CIP2A: variants seen among roughly 807,000 people sequenced by gnomAD.
CIP2A encodes the protein protein CIP2A.
A neutral mutation model predicts 110.9 loss-of-function variants in CIP2A; 103 were observed. That is an observed-to-expected ratio of 0.93 (90% CI 0.79 to 1.09). The LOEUF (loss-of-function observed/expected upper bound fraction) is 1.09. CIP2A is among the 50% of genes least tolerant of loss of function. CIP2A has a pLI of 0.00. For missense variants in CIP2A, 1,088 were observed against 1,038.4 expected, an observed-to-expected ratio of 1.05 and a Z score of -0.66; for synonymous variants, 381 against 361.6, an observed-to-expected ratio of 1.05 and a Z score of -0.61.
At chr3:108,571,509 C>T (rs995420615) in intron 8 of CIP2A, among the ~76,000 whole-genome samples, 1 of 152,132 alleles carries the variant, frequency 6.6e-6, no homozygotes. Flanking sequence ...AAAAGACAAA[C>T]CCTGTAGGCA....
chr3:108,557,291 G>A lies in CIP2A; in HGVS notation c.2137C>T (p.His713Tyr). 4 of 1,610,772 alleles carry A rather than the reference G, an allele frequency of 2.5e-6. No homozygotes were observed. Among genetic ancestry groups the A allele is most frequent in the Non-Finnish European group, 3.4e-6 (4 of 1,177,726 alleles). ...GCCACAGACTCTAACTTCCTATTAT[G>A]TTGAAAGAGATGCTCAATATCACTC... is the stretch of plus-strand genomic sequence containing the variant. Reference protein sequence around the residue: ...AQSDIEHLFQHNRKLESVAEE... With the variant: ...AQSDIEHLFQYNRKLESVAEE... The change falls in exon 17 of 21, where the codon CAT (histidine) becomes TAT (tyrosine). Residue 713 changes from histidine to tyrosine, a missense_variant. Physicochemically the swap from His to Tyr is moderately conservative, Grantham distance 83 (BLOSUM62 2). Transcript: ENST00000295746.
At chr3:108,559,000 A>G (rs1408166013) in intron 16 of CIP2A, among the ~76,000 whole-genome samples, 1 of 152,114 alleles carries the variant, frequency 6.6e-6, no homozygotes, top group Admixed American at 6.6e-5. Context: ...TGCCTTAGAG[A>G]TCCTTGGGGG....
intron 16 of CIP2A, among the ~76,000 whole-genome samples, chr3:108,559,022 G>A (rs1316156967): frequency 2.0e-5 from 3 of 152,138 alleles, no homozygotes; most frequent in African/African-American, 7.2e-5. Flanking sequence ...GCGGCTAGGT[G>A]AAGGGGGTAG....
At chr3:108,583,591 T>C (rs916708226) in intron 2 of CIP2A, among the ~76,000 whole-genome samples, 7 of 151,912 alleles carry the variant, frequency 4.6e-5, no homozygotes, top group African/African-American at 1.7e-4. Flanking sequence ...GGGAAGAATA[T>C]GGGTGAGTGT....
chr3:108,589,389 G>A lies in CIP2A; in HGVS notation c.-14C>T, dbSNP rs760443374. ...AGTGGAGTCCATTGCACCGGCCGCG[G>A]CCCGGCTTAGGGACCACCACCGCCC... On this transcript the variant is annotated 5_prime_UTR_variant, in exon 1 of 21. Transcript: ENST00000295746. 1.3e-6 allele frequency: 2 copies of A among 1,598,456 alleles called. No homozygotes were observed. Among genetic ancestry groups the A allele is most frequent in the African/African-American group, 1.3e-5 (1 of 74,590 alleles).
intron 2 of CIP2A, 130 bp from the exon 3 acceptor site, chr3:108,583,213 TATG>T (rs771588740): frequency 3.8e-4 from 170 of 448,156 alleles, no homozygotes; most frequent in Non-Finnish European, 3.2e-4. Flanking sequence ...TTATTTTCTT[TATG>T]ATAACCCTCC....
chr3:108,560,672 C>CT lies in CIP2A; in HGVS notation c.1803dup (p.Glu602ArgfsTer15). 1 of 1,607,910 alleles carries CT rather than the reference C, an allele frequency of 6.2e-7. No homozygotes were observed. The highest frequency in any genetic ancestry group is 1.1e-5 in the South Asian group (1 of 89,950). Reference sequence around the variant, plus strand: ...ACCACCATTCCAGACTGAAGTTTCTCTATTAATTCTTCAATATTCAATCCA... The same window carrying CT: ...ACCACCATTCCAGACTGAAGTTTCTCTTATTAATTCTTCAATATTCAATCCA... On this transcript the variant is annotated frameshift_variant, in exon 14 of 21. Transcript: ENST00000295746. LOFTEE classifies it high-confidence loss of function.
chr3:108,568,796 A>T (rs1018739631), intron 9 of CIP2A, among the ~76,000 whole-genome samples: 2 of 152,036 alleles, frequency 1.3e-5, no homozygotes, highest in African/African-American at 4.8e-5. Context: ...AACATATTTA[A>T]TCACTTCATA....
intron 8 of CIP2A, 87 bp downstream of exon 8, chr3:108,576,184 G>A: frequency 1.4e-6 from 1 of 723,948 alleles, no homozygotes; most frequent in Non-Finnish European, 2.3e-6. Flanking sequence ...CTGTGCATTT[G>A]GATTTTTCTG....
intron 8 of CIP2A, among the ~76,000 whole-genome samples, chr3:108,575,909 TACATATAC>T (rs1488480363): frequency 3.9e-4 from 56 of 142,116 alleles, no homozygotes; most frequent in African/African-American, 1.6e-3. Flanking sequence ...TATACATATA[TACATATAC>T]GTATATATAC....
intron 9 of CIP2A, among the ~76,000 whole-genome samples, chr3:108,568,587 T>A (rs1264736265): frequency 6.6e-6 from 1 of 151,988 alleles, no homozygotes; most frequent in Non-Finnish European, 1.5e-5. Flanking sequence ...TATTCTAAAC[T>A]AAAAGTATCT....
intron 13 of CIP2A, among the ~76,000 whole-genome samples, chr3:108,562,774 C>T (rs1307490989): frequency 6.6e-6 from 1 of 151,962 alleles, no homozygotes; most frequent in Non-Finnish European, 1.5e-5. Context: ...AATGCTTAGA[C>T]CTTTTCCTTA....
At position 108,568,166 on chromosome 3, in the gene CIP2A, T is replaced by G; in HGVS notation, c.1262A>C (p.Glu421Ala). The change falls in exon 10 of 21, where the codon GAA becomes GCA. Residue 421 changes from glutamate (E) to alanine (A), a missense_variant. Physicochemically the swap from Glu to Ala is moderately radical, Grantham distance 107. Coordinates refer to ENST00000295746, the MANE Select transcript of CIP2A (RefSeq NM_020890.3). ...KKCERIAKAI[E>A]VLLTLCGDDT... ...ACAGTAAAGGATATTTAACAAAACT[T>G]CAATGGCCTTGGCAATCCTTTCACA... 15 of 1,611,708 alleles carry G rather than the reference T, an allele frequency of 9.3e-6. No individual in the cohort carries two copies. Among genetic ancestry groups the G allele is most frequent in the Non-Finnish European group, 1.3e-5 (15 of 1,178,392 alleles).
At chr3:108,570,073 G>A (rs1938332273) in intron 8 of CIP2A, among the ~76,000 whole-genome samples, 1 of 151,994 alleles carries the variant, frequency 6.6e-6, no homozygotes, top group African/African-American at 2.4e-5. Flanking sequence ...GCATACGGTT[G>A]GCATTATGAC....
intron 8 of CIP2A, among the ~76,000 whole-genome samples, chr3:108,575,408 A>G (rs1466802470): frequency 1.4e-5 from 2 of 140,024 alleles, no homozygotes; most frequent in Non-Finnish European, 3.2e-5. Context: ...TCACATGTGT[A>G]TGTATACATA....
intron 10 of CIP2A, among the ~76,000 whole-genome samples, chr3:108,567,382 GAGT>G (rs1938224086): frequency 6.6e-6 from 1 of 151,792 alleles, no homozygotes; most frequent in Admixed American, 6.6e-5. Flanking sequence ...CTCTAGGACA[GAGT>G]AGAACATATT....
chr3:108,566,450 G>T (rs773122323), intron 11 of CIP2A, 47 bp downstream of exon 11: 4 of 1,523,002 alleles, frequency 2.6e-6, no homozygotes, highest in South Asian at 2.5e-5. Context: ...CACATCTTTC[G>T]ATTTTTTACT....
chr3:108,587,064 T>C (rs1222675451), intron 1 of CIP2A, among the ~76,000 whole-genome samples: 1 of 152,170 alleles, frequency 6.6e-6, no homozygotes, highest in Non-Finnish European at 1.5e-5. Context: ...GGATAAGTGA[T>C]GGTAAATTTC....
chr3:108,571,861 A>C (rs867128780), intron 8 of CIP2A, among the ~76,000 whole-genome samples: 4 of 152,296 alleles, frequency 2.6e-5, no homozygotes, highest in Middle Eastern at 3.4e-3. Context: ...TGTAAGTACT[A>C]AATGAGAGTT....
Sources: allele counts gnomAD v4.1 joint callset (sites outside exome capture counted in the v4.1 genomes callset), GRCh38; gene constraint gnomAD v4.1.1; transcripts MANE v1.5; gene names NCBI Gene and HGNC (gene_info 2026-07-23, HGNC 2026-07-21).